Variants in KCND3 observed in about 807,000 individuals in gnomAD.
KCND3 encodes A-type voltage-gated potassium channel KCND3.
A neutral mutation model predicts 51.1 loss-of-function variants in KCND3; 9 were observed. The observed-to-expected ratio is 0.18, with a 90% CI of 0.11 to 0.31. The LOEUF (loss-of-function observed/expected upper bound fraction) is 0.31, where lower values mean the gene tolerates loss of function less well. KCND3 is among the 10% of genes least tolerant of loss of function. The pLI, the probability that KCND3 is intolerant of heterozygous loss-of-function variation, is 1.00. For synonymous variants in KCND3, 349 were observed against 368.0 expected (o/e 0.95, Z 0.59); for missense variants, 526 against 903.8 (o/e 0.58, Z 5.36).
At chr1:111,913,373 C>T (rs943249055) in intron 2 of KCND3, among the ~76,000 whole-genome samples, 6 of 152,132 alleles carry the variant, frequency 3.9e-5, no homozygotes, top group African/African-American at 4.8e-5. Context: ...TAGTGATGCA[C>T]GATTGTATAC....
chr1:111,859,290 G>A (rs189202747), intron 2 of KCND3, among the ~76,000 whole-genome samples: 108 of 152,284 alleles, frequency 7.1e-4, no homozygotes, highest in Middle Eastern at 3.4e-3. Context: ...AGTGCACAGA[G>A]AAGCTCTTTG....
intron 2 of KCND3, among the ~76,000 whole-genome samples, chr1:111,862,554 T>A (rs1200466911): frequency 1.2e-4 from 18 of 152,268 alleles, no homozygotes; most frequent in Non-Finnish European, 1.5e-5. Context: ...CTCTTGTGGA[T>A]CTGTGGCCAT....
At chr1:111,898,125 G>A (rs1241615525) in intron 2 of KCND3, among the ~76,000 whole-genome samples, 1 of 152,128 alleles carries the variant, frequency 6.6e-6, no homozygotes, top group Admixed American at 6.5e-5. Context: ...TTCCTCAACT[G>A]TAAAACAGGG....
rs1663995417 is a variant in KCND3, at chr1:111,773,421, T to C, written c.*2656A>G. ...CTAATTTACCTCCTTTTTTTTTTTC[T>C]TTTCTTTTTTTTTTTTTTGAGACGG... On this transcript the variant is annotated 3_prime_UTR_variant, in exon 8 of 8. Coordinates refer to ENST00000302127, the MANE Select transcript of KCND3 (RefSeq NM_001378969.1). The C allele has an allele frequency of 2.1e-5, 1 of 47,578 alleles. No individual in the cohort carries two copies. The highest frequency in any genetic ancestry group is 1.8e-4 in the African/African-American group (1 of 5,712). The allele number at this position is 47,578 out of a possible 1,614,324, so 2.9% of individuals were successfully genotyped here. A position where few individuals can be genotyped will look rare whatever the true frequency, so the allele number is the denominator to read the frequency against.
intron 2 of KCND3, among the ~76,000 whole-genome samples, chr1:111,845,884 C>T (rs1456426598): frequency 5.9e-5 from 9 of 151,372 alleles, no homozygotes; most frequent in Admixed American, 3.9e-4. Context: ...GATTCTCCTT[C>T]CTGAATAATG....
chr1:111,813,956 G>A (rs1409904368), intron 2 of KCND3, among the ~76,000 whole-genome samples: 2 of 152,198 alleles, frequency 1.3e-5, no homozygotes, highest in African/African-American at 2.4e-5. Context: ...GCTGGGGGCC[G>A]TGCCCCACCA....
intron 2 of KCND3, among the ~76,000 whole-genome samples, chr1:111,806,179 G>C (rs1232820235): frequency 6.6e-6 from 1 of 152,216 alleles, no homozygotes; most frequent in Non-Finnish European, 1.5e-5. Flanking sequence ...AAAGAACGGG[G>C]TCACTCAAAG....
intron 2 of KCND3, among the ~76,000 whole-genome samples, chr1:111,860,311 C>T (rs1035090061): frequency 6.6e-6 from 1 of 152,150 alleles, no homozygotes; most frequent in Admixed American, 6.5e-5. Flanking sequence ...TAACCAAGGC[C>T]ACACAACTAA....
chr1:111,906,522 A>G (rs1670655953), intron 2 of KCND3, among the ~76,000 whole-genome samples: 1 of 152,180 alleles, frequency 6.6e-6, no homozygotes, highest in Admixed American at 6.5e-5. Flanking sequence ...ATCACTATTT[A>G]TTTTTCTAAA....
intron 2 of KCND3, among the ~76,000 whole-genome samples, chr1:111,906,423 G>T (rs1316200662): frequency 6.6e-6 from 1 of 152,176 alleles, no homozygotes; most frequent in East Asian, 1.9e-4. Context: ...TCCAGAAGAG[G>T]AGCTTCCATC....
intron 2 of KCND3, among the ~76,000 whole-genome samples, chr1:111,801,610 C>G (rs1665315204): frequency 6.6e-6 from 1 of 152,162 alleles, no homozygotes; most frequent in Admixed American, 6.5e-5. Flanking sequence ...AGATTCAGTG[C>G]TTAGCGGTTT....
At chr1:111,966,322 G>C (rs1673982948) in intron 2 of KCND3, among the ~76,000 whole-genome samples, 1 of 152,166 alleles carries the variant, frequency 6.6e-6, no homozygotes, top group Non-Finnish European at 1.5e-5. Flanking sequence ...TACTGGGGGT[G>C]GAGAAGGAAA....
At chr1:111,836,877 C>T (rs751020249) in intron 2 of KCND3, among the ~76,000 whole-genome samples, 9 of 152,164 alleles carry the variant, frequency 5.9e-5, no homozygotes, top group Admixed American at 1.3e-4. Context: ...ACTCCATCCC[C>T]GGTACCCTTC....
At chr1:111,902,581 C>T (rs78736808) in intron 2 of KCND3, among the ~76,000 whole-genome samples, 1 of 152,184 alleles carries the variant, frequency 6.6e-6, no homozygotes, top group East Asian at 1.9e-4. Context: ...GTCTCATGTG[C>T]CCACTGCTCG....
At chr1:111,796,436 A>G (rs771350285) in intron 2 of KCND3, among the ~76,000 whole-genome samples, 94 of 152,210 alleles carry the variant, frequency 6.2e-4, no homozygotes, top group Non-Finnish European at 1.1e-3. Context: ...ATCATGGAAT[A>G]CTATACAGCC....
At chr1:111,920,027 G>A (rs989789338) in intron 2 of KCND3, among the ~76,000 whole-genome samples, 2 of 152,236 alleles carry the variant, frequency 1.3e-5, no homozygotes, top group African/African-American at 4.8e-5. Flanking sequence ...CTTAGGAACA[G>A]GGAATGAAGG....
At chr1:111,970,484 C>A (rs1369430360) in intron 2 of KCND3, among the ~76,000 whole-genome samples, 1 of 152,172 alleles carries the variant, frequency 6.6e-6, no homozygotes, top group Non-Finnish European at 1.5e-5. Flanking sequence ...CTTTTAAGGG[C>A]CAGCTGAAAT....
At position 111,771,175 on chromosome 1, in the gene KCND3, A is replaced by G. The variant is rs1158031584; in HGVS notation, c.*4902T>C. On this transcript the variant is annotated 3_prime_UTR_variant, in exon 8 of 8. Coordinates refer to ENST00000302127, the MANE Select transcript of KCND3 (RefSeq NM_001378969.1). ...ATAAATGTCATTCCCACACTTGAGA[A>G]AAAACACAGAACATTCTGAATAGAA... is the stretch of plus-strand genomic sequence containing the variant. 2 of 152,220 alleles carry G rather than the reference A, an allele frequency of 1.3e-5. No homozygotes were observed. Among genetic ancestry groups the G allele is most frequent in the African/African-American group, 4.8e-5 (2 of 41,456 alleles). The allele number at this position is 152,220 out of a possible 1,614,324, so 9.4% of individuals were successfully genotyped here. A position where few individuals can be genotyped will look rare whatever the true frequency, so the allele number is the denominator to read the frequency against.
intron 2 of KCND3, among the ~76,000 whole-genome samples, chr1:111,883,618 C>T (rs778310661): frequency 5.9e-5 from 9 of 152,314 alleles, no homozygotes; most frequent in Middle Eastern, 3.4e-3. Flanking sequence ...TCTGTGTTTA[C>T]ACAGACACTA....
Sources: gnomAD v4.1 joint callset for allele counts (sites outside exome capture counted in the v4.1 genomes callset) on GRCh38, gnomAD v4.1.1 for gene constraint, MANE v1.5 for transcripts, NCBI Gene and HGNC (gene_info 2026-07-23, HGNC 2026-07-21) for gene names.